TAB3: variants seen among roughly 807,000 people sequenced by gnomAD.
TAB3 encodes TGF-beta activated kinase 1 (MAP3K7) binding protein 3, also known as TGF-beta-activated kinase 1 and MAP3K7-binding protein 3.
Under a neutral mutation model 48.1 loss-of-function variants are expected in TAB3, and 18 were observed. That is an observed-to-expected ratio of 0.37 (90% CI 0.26 to 0.55). The LOEUF is 0.55. TAB3 is among the 20% of genes least tolerant of loss of function. TAB3 has a pLI of 0.78. For synonymous variants in TAB3, 185 were observed against 190.2 expected, an observed-to-expected ratio of 0.97 and a Z score of 0.22; for missense variants, 414 against 549.8, an observed-to-expected ratio of 0.75 and a Z score of 2.47.
rs1310574852 is a variant in TAB3 at position 30,831,287 on chromosome X, G to A, written c.*140C>T. Reference sequence around the variant, plus strand: ...CCATTTTTCCTTTCGTGAGCACAACGACGACCACAAAGCCATTCCTCCTCC... The same window carrying A: ...CCATTTTTCCTTTCGTGAGCACAACAACGACCACAAAGCCATTCCTCCTCC... On this transcript the variant is annotated 3_prime_UTR_variant, in exon 11 of 11. Transcript: ENST00000288422. 25 of 718,090 alleles carry A rather than the reference G, an allele frequency of 3.5e-5. No individual in the cohort carries two copies. The highest frequency in any genetic ancestry group is 1.8e-4 in the East Asian group (5 of 27,432). 59.2% of individuals were successfully genotyped at this position (718,090 alleles called of 1,213,427 possible). A position where few individuals can be genotyped will look rare whatever the true frequency, so the allele number is the denominator to read the frequency against.
intron 10 of TAB3, 25 bp from the exon 11 acceptor site, chrX:30,831,600 G>A: frequency 8.4e-7 from 1 of 1,196,122 alleles, no homozygotes; most frequent in Non-Finnish European, 1.1e-6. Flanking sequence ...GATTAAGGGG[G>A]AGGGGGAAGG....
chrX:30,846,737 G>C (rs1601808728), intron 7 of TAB3, 93 bp from the exon 8 acceptor site: 2 of 533,205 alleles, frequency 3.8e-6, no homozygotes, highest in Non-Finnish European at 6.2e-6. Flanking sequence ...GTAATGATTG[G>C]GTATTACCAA....
rs1425148390 is a variant in TAB3 at position 30,829,982 on chromosome X, GAA to G, written c.*1443_*1444del. ...CTGTTTATACTCACCAAAATGAGGG[GAA>G]GATTCCAAAACTCCAATTCTGAGCT... On this transcript the variant is annotated 3_prime_UTR_variant, in exon 11 of 11. Transcript: ENST00000288422. The G allele has an allele frequency of 9.0e-6, 1 of 110,767 alleles. No homozygotes were observed. The highest frequency in any genetic ancestry group is 1.9e-5 in the Non-Finnish European group (1 of 52,947). 9.1% of individuals were successfully genotyped at this position (110,767 alleles called of 1,213,427 possible).
In TAB3 at chrX:30,870,272, A is replaced by T. The variant is rs185363094; in HGVS notation, c.-280+1427T>A. Among the ~76,000 whole-genome samples the T allele has an allele frequency of 8.1e-3, 911 of 112,724 alleles. 13 individuals carry two copies. Among genetic ancestry groups the T allele is most frequent in the African/African-American group, 0.028 (867 of 31,054 alleles). On this transcript the variant is annotated intron_variant, in intron 2 of 10. Transcript: ENST00000288422. Reference sequence around the variant, plus strand: ...TCTAATATATTTAAAAGATTTTTTTAAAAAATGAATAATCAGTCTCATTAA... The same window carrying T: ...TCTAATATATTTAAAAGATTTTTTTTAAAAATGAATAATCAGTCTCATTAA...
chrX:30,873,515 A>G (rs1486021463), intron 1 of TAB3, among the ~76,000 whole-genome samples: 1 of 93,535 alleles, frequency 1.1e-5, no homozygotes. Context: ...ACAGAACGAG[A>G]CTCCGTCTCA....
intron 7 of TAB3, among the ~76,000 whole-genome samples, chrX:30,846,901 C>T (rs1054832247): frequency 1.8e-5 from 2 of 111,649 alleles, no homozygotes; most frequent in Non-Finnish European, 1.9e-5. Flanking sequence ...CTGTGTTCTA[C>T]CATACAAGAT....
At chrX:30,840,489 C>T (rs1391338094) in intron 9 of TAB3, among the ~76,000 whole-genome samples, 1 of 111,346 alleles carries the variant, frequency 9.0e-6, no homozygotes, top group Non-Finnish European at 1.9e-5. Context: ...TGGTGGGTCC[C>T]TCAGACCGCA....
intron 1 of TAB3, among the ~76,000 whole-genome samples, chrX:30,876,960 GAC>G (rs1939857950): frequency 1.8e-5 from 2 of 111,255 alleles, no homozygotes; most frequent in African/African-American, 6.5e-5. Flanking sequence ...AAGGAAAAGA[GAC>G]AGAATGGGGC....
intron 8 of TAB3, chrX:30,845,468 G>T (rs1938594963): frequency 8.9e-6 from 1 of 111,759 alleles, no homozygotes; most frequent in Non-Finnish European, 1.9e-5. Context: ...TAATATTTTA[G>T]ACTTTGTGGA....
chrX:30,839,936 AT>A lies in TAB3; in HGVS notation c.1888+3029del, dbSNP rs1362793327. ...ATATTATATATATATATATATATAT[AT>A]ATATATAATATATATTAAAAAAACA... On this transcript the variant is annotated intron_variant, in intron 9 of 10. Transcript: ENST00000288422. Among the ~76,000 whole-genome samples, 152 of 69,334 alleles carry A rather than the reference AT, an allele frequency of 2.2e-3. 1 individual carries two copies. The highest frequency in any genetic ancestry group is 7.0e-3 in the African/African-American group (137 of 19,551). 60.2% of individuals were successfully genotyped at this position (69,334 alleles called of 115,157 possible).
At chrX:30,863,237 A>G (rs1939302378) in intron 4 of TAB3, among the ~76,000 whole-genome samples, 1 of 112,582 alleles carries the variant, frequency 8.9e-6, no homozygotes, top group African/African-American at 3.2e-5. Context: ...ACTGACATGA[A>G]TAATCATTTA....
chrX:30,870,019 A>G (rs1443923044), intron 2 of TAB3, among the ~76,000 whole-genome samples: 1 of 112,442 alleles, frequency 8.9e-6, no homozygotes, highest in Non-Finnish European at 1.9e-5. Flanking sequence ...ATGGTGATAT[A>G]TTTTAAGTTA....
chrX:30,868,502 ATATATATATATAGCT>A (rs1569221654), intron 2 of TAB3, among the ~76,000 whole-genome samples: 2,570 of 11,195 alleles, frequency 0.23, 718 homozygotes, highest in Non-Finnish European at 0.25. Flanking sequence ...TATAGCTTAT[ATATATATATATAGCT>A]TATATATATA....
chrX:30,871,436 T>C (rs973930416), intron 2 of TAB3, among the ~76,000 whole-genome samples: 2 of 111,880 alleles, frequency 1.8e-5, no homozygotes, highest in African/African-American at 6.5e-5. Context: ...TTCTATTTTC[T>C]GGTGAGGTTT....
At chrX:30,853,800 G>A (rs6653845) in intron 6 of TAB3, among the ~76,000 whole-genome samples, 5,865 of 111,446 alleles carry the variant, frequency 0.053, 287 homozygotes, top group African/African-American at 0.15. Context: ...TTAGCCTCCC[G>A]AGTAGCTGGG....
intron 8 of TAB3, chrX:30,846,234 A>G (rs1312442859): frequency 3.0e-6 from 1 of 333,474 alleles, no homozygotes; most frequent in Admixed American, 6.2e-5. Flanking sequence ...ATCACATAAT[A>G]TGAACTCTAC....
At chrX:30,880,418 T>A (rs910595536) in intron 1 of TAB3, among the ~76,000 whole-genome samples, 5 of 111,695 alleles carry the variant, frequency 4.5e-5, no homozygotes, top group African/African-American at 1.3e-4. Flanking sequence ...AGGGAAATGG[T>A]GTGCTGGGAA....
chrX:30,831,810 A>G (rs894872294), intron 10 of TAB3, among the ~76,000 whole-genome samples: 1 of 112,278 alleles, frequency 8.9e-6, no homozygotes, highest in Admixed American at 9.4e-5. Context: ...ATATATGTCC[A>G]GAATAGATTG....
intron 9 of TAB3, chrX:30,835,877 T>G (rs1938191104): frequency 8.9e-6 from 1 of 112,470 alleles, no homozygotes; most frequent in Non-Finnish European, 1.9e-5. Flanking sequence ...CTGTAATAAC[T>G]CCAAGACATT....
Sources: gnomAD v4.1 joint callset for allele counts (sites outside exome capture counted in the v4.1 genomes callset) on GRCh38, gnomAD v4.1.1 for gene constraint, MANE v1.5 for transcripts, NCBI Gene and HGNC (gene_info 2026-07-23, HGNC 2026-07-21) for gene names.